The following TCF12 variants were observed in gnomAD, a reference collection of about 807,000 sequenced individuals.
TCF12 encodes transcription factor 12, also known as DNA-binding protein HTF4.
Under a neutral mutation model 86.0 loss-of-function variants are expected in TCF12, and 45 were observed. That is an observed-to-expected ratio of 0.52 (90% CI 0.41 to 0.67). The LOEUF (loss-of-function observed/expected upper bound fraction) is 0.67, where lower values mean the gene tolerates loss of function less well. Ranked by LOEUF, TCF12 falls within the 30% of genes least tolerant of loss-of-function variation. TCF12 has a pLI of 0.00. For synonymous variants in TCF12, 330 were observed against 299.6 expected, an observed-to-expected ratio of 1.10 and a Z score of -1.05; for missense variants, 881 against 859.9, an observed-to-expected ratio of 1.02 and a Z score of -0.31.
chr15:57,020,537 A>G (rs989238810), intron 3 of TCF12, among the ~76,000 whole-genome samples: 5 of 152,154 alleles, frequency 3.3e-5, no homozygotes, highest in Non-Finnish European at 1.5e-5. Context: ...TTTTGCTTCA[A>G]ACATTAAATT....
intron 3 of TCF12, among the ~76,000 whole-genome samples, chr15:56,984,604 G>A (rs1482564056): frequency 6.6e-6 from 1 of 152,116 alleles, no homozygotes; most frequent in African/African-American, 2.4e-5. Flanking sequence ...TTAAACTGCT[G>A]TTTTACTAAT....
intron 4 of TCF12, among the ~76,000 whole-genome samples, chr15:57,076,607 C>T (rs1196900421): frequency 3.3e-5 from 5 of 150,400 alleles, no homozygotes; most frequent in Admixed American, 2.0e-4. Flanking sequence ...GAGCCGAGAT[C>T]GCGCCACTGC....
In TCF12 at chr15:57,078,619, A is replaced by G. The variant is rs1467280390; in HGVS notation, c.223-13170A>G. Among the ~76,000 whole-genome samples, 6 of 149,870 alleles carry G rather than the reference A, an allele frequency of 4.0e-5. No individual in the cohort carries two copies. The East Asian group carries it at 7.7e-4, about 19-fold the overall frequency. ...TATGCATTATCACACTTCCATATGC[A>G]TATTTTAATTTCTTTAATTTCATTA... On this transcript the variant is annotated intron_variant, in intron 4 of 20. Coordinates refer to ENST00000333725, the MANE Select transcript of TCF12 (RefSeq NM_207037.2).
intron 4 of TCF12, among the ~76,000 whole-genome samples, chr15:57,076,038 A>T (rs2070000861): frequency 6.6e-6 from 1 of 150,966 alleles, no homozygotes; most frequent in African/African-American, 2.4e-5. Flanking sequence ...AATTTTTTGT[A>T]GAGACAGGGT....
At chr15:57,218,844 A>G (rs1320745670) in intron 8 of TCF12, among the ~76,000 whole-genome samples, 1 of 152,128 alleles carries the variant, frequency 6.6e-6, no homozygotes, top group East Asian at 1.9e-4. Context: ...TGTTCCTTTC[A>G]GTTTTCCTCA....
chr15:56,949,604 A>G lies in TCF12; in HGVS notation c.148+28506A>G, dbSNP rs1347567231. Among the ~76,000 whole-genome samples, 3 of 152,340 alleles carry G rather than the reference A, an allele frequency of 2.0e-5. 1 individual carries two copies. Among genetic ancestry groups the G allele is most frequent in the East Asian group, 3.9e-4 (2 of 5,192 alleles). The stretch of plus-strand genomic sequence containing the variant: ...ACCGGCTTTTGAAAAACTTGTTTAA[A>G]AGAGTTGAGCTGTAAGCTTTATTTA... On this transcript the variant is annotated intron_variant, in intron 3 of 20. Coordinates refer to ENST00000333725, the MANE Select transcript of TCF12 (RefSeq NM_207037.2).
chr15:57,162,009 C>A (rs1218672987), intron 5 of TCF12, among the ~76,000 whole-genome samples: 2 of 151,870 alleles, frequency 1.3e-5, no homozygotes, highest in African/African-American at 4.8e-5. Flanking sequence ...CCCAAGAGGC[C>A]CATGCACATG....
chr15:57,141,994 G>C (rs1203714573), intron 5 of TCF12, among the ~76,000 whole-genome samples: 1 of 152,174 alleles, frequency 6.6e-6, no homozygotes, highest in Non-Finnish European at 1.5e-5. Flanking sequence ...GCTCAAGGGA[G>C]AAACGATATA....
intron 3 of TCF12, among the ~76,000 whole-genome samples, chr15:56,929,109 A>G (rs781159840): frequency 1.3e-5 from 2 of 152,210 alleles, no homozygotes; most frequent in Non-Finnish European, 1.5e-5. Context: ...CTGAAGTTCT[A>G]AAGTTGCATC....
chr15:57,087,426 A>AT (rs1283597581), intron 4 of TCF12, among the ~76,000 whole-genome samples: 7 of 147,460 alleles, frequency 4.7e-5, no homozygotes, highest in Admixed American at 4.0e-4. Context: ...AAAAAAAAAA[A>AT]ATTTATATAT....
intron 5 of TCF12, among the ~76,000 whole-genome samples, chr15:57,150,876 T>TCCC (rs1462134163): frequency 0.1 from 3,007 of 29,538 alleles, 195 homozygotes; most frequent in East Asian, 0.27. Context: ...CCTCTGTCCC[T>TCCC]TCCTTCCTTC....
At chr15:56,921,448 C>T (rs1212848748) in intron 3 of TCF12, among the ~76,000 whole-genome samples, 2 of 151,944 alleles carry the variant, frequency 1.3e-5, no homozygotes, top group Non-Finnish European at 2.9e-5. Flanking sequence ...AGTAGATCTA[C>T]ACACTAGTGA....
At chr15:57,056,506 TG>T (rs1270556115) in intron 3 of TCF12, among the ~76,000 whole-genome samples, 1 of 152,182 alleles carries the variant, frequency 6.6e-6, no homozygotes, top group Non-Finnish European at 1.5e-5. Flanking sequence ...TCACCAAAGC[TG>T]GAGTGCAGTG....
intron 5 of TCF12, among the ~76,000 whole-genome samples, chr15:57,098,236 C>T (rs1331521512): frequency 1.3e-5 from 2 of 151,854 alleles, no homozygotes; most frequent in Non-Finnish European, 2.9e-5. Context: ...ATGGCATTGA[C>T]CCTCTTGATT....
Position 56,921,083 on chromosome 15 carries a change from C to T in TCF12, c.133C>T (p.Gln45Ter). ...TAGACCAACTACACTGGGAAGCAGT[C>T]AATTCAGTGGATCAGGTAAGATGAT... ...KTRPTTLGSS[Q>*]FSGSGIDERG... Residue 45 changes from glutamine (Q) to a stop codon, truncating the protein, a stop_gained, in exon 3 of 21, where the codon CAA becomes TAA. Coordinates refer to ENST00000333725, the MANE Select transcript of TCF12 (RefSeq NM_207037.2). LOFTEE classifies it high-confidence loss of function. 2 of 1,608,812 alleles carry T rather than the reference C, an allele frequency of 1.2e-6. No homozygotes were observed. The highest frequency in any genetic ancestry group is 1.7e-6 in the Non-Finnish European group (2 of 1,177,142).
chr15:56,939,670 T>C (rs1331562366), intron 3 of TCF12, among the ~76,000 whole-genome samples: 3 of 152,158 alleles, frequency 2.0e-5, no homozygotes, highest in African/African-American at 7.2e-5. Flanking sequence ...GGGTTGGAGA[T>C]GTGTGATAGG....
chr15:56,933,606 A>G (rs1025437691), intron 3 of TCF12, among the ~76,000 whole-genome samples: 1 of 152,208 alleles, frequency 6.6e-6, no homozygotes, highest in Non-Finnish European at 1.5e-5. Context: ...CTTATGTCTA[A>G]GATGAGGACA....
chr15:57,090,009 G>GT (rs2048889894), intron 4 of TCF12, among the ~76,000 whole-genome samples: 1 of 152,142 alleles, frequency 6.6e-6, no homozygotes, highest in Admixed American at 6.5e-5. Context: ...GAGCCCACGA[G>GT]TTTGAGACCA....
intron 3 of TCF12, among the ~76,000 whole-genome samples, chr15:57,010,133 T>C (rs2064732070): frequency 6.6e-6 from 1 of 152,172 alleles, no homozygotes; most frequent in Non-Finnish European, 1.5e-5. Flanking sequence ...TTTTACTTAG[T>C]TGTGTCCAAT....
Sources: gnomAD v4.1 joint callset for allele counts (sites outside exome capture counted in the v4.1 genomes callset) on GRCh38, gnomAD v4.1.1 for gene constraint, MANE v1.5 for transcripts, NCBI Gene and HGNC (gene_info 2026-07-23, HGNC 2026-07-21) for gene names.